SUCLG1: variants seen among roughly 807,000 people sequenced by gnomAD.
SUCLG1 encodes the protein succinate--CoA ligase [ADP/GDP-forming] subunit alpha, mitochondrial.
In SUCLG1, 26 loss-of-function variants were observed where a neutral mutation model predicts 37.3. The observed-to-expected ratio is 0.70, with a 90% CI of 0.51 to 0.97. The LOEUF (loss-of-function observed/expected upper bound fraction) is 0.97, where lower values mean the gene tolerates loss of function less well. Among genes scored for constraint, SUCLG1 ranks in the 50% least tolerant of loss-of-function variants. The pLI is 0.00. For synonymous variants in SUCLG1, 163 were observed against 155.6 expected (o/e 1.05, Z -0.36); for missense variants, 433 against 432.9 (o/e 1.00, Z 0.00).
At position 84,449,722 on chromosome 2, in the gene SUCLG1, T is replaced by C. The variant is rs377273824; in HGVS notation, c.128A>G (p.Tyr43Cys). 3.9e-5 allele frequency: 63 copies of C among 1,595,684 alleles called. No homozygotes were observed. Among genetic ancestry groups the C allele is most frequent in the Non-Finnish European group, 5.4e-5 (63 of 1,174,976 alleles). Reference protein sequence around the residue: ...LPQNGIRHCSYTASRQHLYVD... With the variant: ...LPQNGIRHCSCTASRQHLYVD... ...ATAGAGATGTTGCCGAGAAGCTGTG[T>C]AGGAACAATGCCGAATTCCATTCTG... is the stretch of plus-strand genomic sequence containing the variant. The change falls in exon 2 of 9, where the codon TAC (tyrosine) becomes TGC (cysteine). Residue 43 changes from tyrosine to cysteine, a missense_variant. By Grantham distance (194) the Tyr-to-Cys change is radical. Transcript: ENST00000393868.
At chr2:84,451,276 C>CTCATA (rs112772303) in intron 1 of SUCLG1, among the ~76,000 whole-genome samples, 7,228 of 152,108 alleles carry the variant, frequency 0.048, 360 homozygotes, top group African/African-American at 0.12. Flanking sequence ...TCAACAAATG[C>CTCATA]TCATATCATA....
intron 5 of SUCLG1, among the ~76,000 whole-genome samples, chr2:84,439,544 T>G (rs1050827409): frequency 6.6e-6 from 1 of 152,168 alleles, no homozygotes; most frequent in Admixed American, 6.5e-5. Context: ...TAAATGAAAT[T>G]ATCAAGTACT....
At position 84,449,769 on chromosome 2, in the gene SUCLG1, A is replaced by C. The variant is rs1317010237; in HGVS notation, c.98-17T>G. 1.9e-5 allele frequency: 20 copies of C among 1,039,610 alleles called. No individual in the cohort carries two copies. The highest frequency in any genetic ancestry group is 2.7e-5 in the Non-Finnish European group (20 of 751,742). 64.4% of individuals were successfully genotyped at this position (1,039,610 alleles called of 1,614,324 possible). A position where few individuals can be genotyped will look rare whatever the true frequency, so the allele number is the denominator to read the frequency against. The stretch of plus-strand genomic sequence containing the variant: ...TCTGCGGCACTAAGAGGTTAAAAAA[A>C]AAAAAAAAAAAAAAAAAAGACACAT... On this transcript the variant is annotated splice_polypyrimidine_tract_variant and intron_variant, in intron 1 of 8. Coordinates refer to ENST00000393868, the MANE Select transcript of SUCLG1 (RefSeq NM_003849.4).
chr2:84,430,376 A>AT (rs1227723623), intron 7 of SUCLG1, among the ~76,000 whole-genome samples: 3 of 152,226 alleles, frequency 2.0e-5, no homozygotes, highest in Admixed American at 2.0e-4. Flanking sequence ...TCCCAAGGTC[A>AT]TATAGCTTCT....
intron 5 of SUCLG1, among the ~76,000 whole-genome samples, chr2:84,433,982 G>C (rs1416005176): frequency 6.6e-6 from 1 of 152,070 alleles, no homozygotes; most frequent in East Asian, 1.9e-4. Context: ...TCCTTTACAT[G>C]AGAGCTGGTT....
At chr2:84,428,545 C>T (rs1231318441) in intron 7 of SUCLG1, among the ~76,000 whole-genome samples, 2 of 152,164 alleles carry the variant, frequency 1.3e-5, no homozygotes, top group African/African-American at 4.8e-5. Flanking sequence ...TGATTCCACT[C>T]CCCTGTTCCC....
At chr2:84,449,159 T>G (rs780302266) in intron 2 of SUCLG1, among the ~76,000 whole-genome samples, 5 of 152,156 alleles carry the variant, frequency 3.3e-5, no homozygotes, top group Admixed American at 3.3e-4. Flanking sequence ...CCAGAGAAAG[T>G]ATAAGATGAA....
At position 84,429,361 on chromosome 2, in the gene SUCLG1, CT is replaced by C. The variant is rs552198131; in HGVS notation, c.825+2146del. The stretch of plus-strand genomic sequence containing the variant: ...CAGCACAATGCTGTATTAACCGAAA[CT>C]TTTTTTTTTAAAGAAGTCAGTTTTT... On this transcript the variant is annotated intron_variant, in intron 7 of 8. Transcript: ENST00000393868. Among the ~76,000 whole-genome samples the C allele has an allele frequency of 8.0e-5, 12 of 150,472 alleles. No individual in the cohort carries two copies. In the South Asian group the frequency reaches 8.5e-4, roughly 11 times the overall value.
At chr2:84,456,416 T>C (rs1233383127) in intron 1 of SUCLG1, among the ~76,000 whole-genome samples, 3 of 152,222 alleles carry the variant, frequency 2.0e-5, no homozygotes, top group African/African-American at 7.2e-5. Flanking sequence ...AAGGTTTACT[T>C]TCTGGCATTA....
intron 5 of SUCLG1, among the ~76,000 whole-genome samples, chr2:84,436,774 G>T (rs1315585303): frequency 6.6e-6 from 1 of 152,192 alleles, no homozygotes; most frequent in African/African-American, 2.4e-5. Context: ...CACCAATGGT[G>T]CTTGAGATTC....
At chr2:84,450,145 C>A (rs1205357734) in intron 1 of SUCLG1, among the ~76,000 whole-genome samples, 1 of 152,094 alleles carries the variant, frequency 6.6e-6, no homozygotes, top group Admixed American at 6.5e-5. Context: ...TAAACAGCCA[C>A]GTTTCCCCAC....
intron 7 of SUCLG1, among the ~76,000 whole-genome samples, chr2:84,429,985 C>T (rs577286562): frequency 6.6e-6 from 1 of 152,182 alleles, no homozygotes; most frequent in Admixed American, 6.5e-5. Flanking sequence ...GTCTCAGAGA[C>T]AGATCTTGGT....
chr2:84,442,447 G>T (rs1672788462), intron 3 of SUCLG1, among the ~76,000 whole-genome samples: 1 of 151,978 alleles, frequency 6.6e-6, no homozygotes, highest in African/African-American at 2.4e-5. Flanking sequence ...AAATACCCAA[G>T]AATTTACACT....
At chr2:84,441,015 T>A (rs753274655) in intron 5 of SUCLG1, 32 bp downstream of exon 5, 1 of 1,608,872 alleles carries the variant, frequency 6.2e-7, no homozygotes, top group Non-Finnish European at 8.5e-7. Context: ...AAATAACGTT[T>A]TAATCTATAA....
At position 84,441,255 on chromosome 2, in the gene SUCLG1, C is replaced by T; in HGVS notation, c.523G>A (p.Val175Ile). 3.1e-6 allele frequency: 5 copies of T among 1,614,132 alleles called. No individual in the cohort carries two copies. The highest frequency in any genetic ancestry group is 4.2e-6 in the Non-Finnish European group (5 of 1,180,022). ...TRLIGPNCPGVINPGECKIGI... is the reference protein window; with the variant it reads ...TRLIGPNCPGIINPGECKIGI... ...TGTTTTTTTGCACTCACATTGATGA[C>T]TCCAGGGCAGTTGGGCCCAATTAGC... Residue 175 changes from valine (V) to isoleucine (I), a missense_variant, in exon 4 of 9, where the codon GTC (valine) becomes ATC (isoleucine). Val to Ile is a conservative substitution (Grantham distance 29). Coordinates refer to ENST00000393868, the MANE Select transcript of SUCLG1 (RefSeq NM_003849.4).
chr2:84,435,257 A>T (rs1672670829), intron 5 of SUCLG1, among the ~76,000 whole-genome samples: 1 of 152,188 alleles, frequency 6.6e-6, no homozygotes, highest in Admixed American at 6.5e-5. Context: ...ATTAAATGCT[A>T]CTTTCTCTTT....
At chr2:84,432,010 G>GT (rs1431728551) in intron 6 of SUCLG1, among the ~76,000 whole-genome samples, 1 of 152,120 alleles carries the variant, frequency 6.6e-6, no homozygotes, top group Non-Finnish European at 1.5e-5. Context: ...AAGAAAATGT[G>GT]TATCTGTGTT....
At chr2:84,444,973 T>C (rs1306140488) in intron 2 of SUCLG1, among the ~76,000 whole-genome samples, 1 of 152,210 alleles carries the variant, frequency 6.6e-6, no homozygotes, top group African/African-American at 2.4e-5. Flanking sequence ...CCAGATTTCA[T>C]ATTGTTCAAA....
At chr2:84,457,619 C>T (rs1673041751) in intron 1 of SUCLG1, among the ~76,000 whole-genome samples, 1 of 152,202 alleles carries the variant, frequency 6.6e-6, no homozygotes, top group Non-Finnish European at 1.5e-5. Context: ...GAACCTCAGA[C>T]TAGCAAGACC....
Sources: gnomAD v4.1 joint callset for allele counts (sites outside exome capture counted in the v4.1 genomes callset) on GRCh38, gnomAD v4.1.1 for gene constraint, MANE v1.5 for transcripts, NCBI Gene and HGNC (gene_info 2026-07-23, HGNC 2026-07-21) for gene names.